Variants in FARP2 observed in about 807,000 individuals in gnomAD.
FARP2 encodes FERM, ARH/RhoGEF and pleckstrin domain protein 2, also known as FERM, ARHGEF and pleckstrin domain-containing protein 2.
FARP2 carries 111 observed loss-of-function variants against 130.5 expected under a neutral mutation model. That is an observed-to-expected ratio of 0.85 (90% CI 0.73 to 1.00). The LOEUF (loss-of-function observed/expected upper bound fraction) is 1.00. Among genes scored for constraint, FARP2 ranks in the 50% least tolerant of loss-of-function variants. FARP2 has a pLI of 0.00. For missense variants in FARP2, 1,385 were observed against 1,346.3 expected (o/e 1.03, Z -0.45); for synonymous variants, 504 against 516.9 (o/e 0.98, Z 0.34).
intron 17 of FARP2, chr2:241,465,717 C>G: frequency 6.4e-7 from 1 of 1,550,922 alleles, no homozygotes; most frequent in Non-Finnish European, 8.7e-7. Flanking sequence ...GTGTGGAGCT[C>G]TGCATAACAC....
intron 17 of FARP2, chr2:241,465,757 A>C: frequency 5.2e-6 from 8 of 1,550,322 alleles, no homozygotes; most frequent in Non-Finnish European, 7.0e-6. Flanking sequence ...GACGACGACG[A>C]CTCAAGCTCC....
intron 14 of FARP2, among the ~76,000 whole-genome samples, chr2:241,458,914 C>G (rs2063938859): frequency 6.6e-6 from 1 of 152,202 alleles, no homozygotes. Context: ...CCTCAGGGTC[C>G]TCACCGAGCC....
chr2:241,378,728 T>G (rs989763010), intron 2 of FARP2, among the ~76,000 whole-genome samples: 6 of 152,186 alleles, frequency 3.9e-5, no homozygotes, highest in African/African-American at 1.4e-4. Context: ...ACTCGTAAAC[T>G]GATTTTTGAT....
At chr2:241,487,955 A>C (rs995914149) in intron 21 of FARP2, among the ~76,000 whole-genome samples, 4 of 151,824 alleles carry the variant, frequency 2.6e-5, no homozygotes, top group Middle Eastern at 3.4e-3. Flanking sequence ...TCACCGTGTT[A>C]GGCAGGATGG....
chr2:241,370,942 G>A (rs1395085016), intron 1 of FARP2, among the ~76,000 whole-genome samples: 1 of 152,228 alleles, frequency 6.6e-6, no homozygotes, highest in African/African-American at 2.4e-5. Context: ...TGCAGCTCAG[G>A]TAATAAATGT....
At chr2:241,463,830 T>C in intron 16 of FARP2, 69 bp from the exon 17 acceptor site, 1 of 1,341,616 alleles carries the variant, frequency 7.5e-7, no homozygotes, top group Non-Finnish European at 1.1e-6. Flanking sequence ...GCTGTCACCC[T>C]GCGTCAGATT....
In FARP2 at chr2:241,463,944, C is replaced by A. The variant is rs762855873; in HGVS notation, c.1857C>A (p.Ile619=). 18 of 1,614,066 alleles carry A rather than the reference C, an allele frequency of 1.1e-5. No homozygotes were observed. The highest frequency in any genetic ancestry group is 1.5e-5 in the Non-Finnish European group (18 of 1,179,944). Residue 619 remains isoleucine (I), a synonymous_variant, in exon 17 of 27, where the codon ATC becomes ATA. Coordinates refer to ENST00000264042, the MANE Select transcript of FARP2 (RefSeq NM_014808.4). ...ACACAAAAGGCAGTCATCAACGAAT[C>A]GGGGACATCCTGCTCAGGAACATGC... ...KAHTKGSHQR[I]GDILLRNMRQ... is the part of the protein sequence containing the mutation.
chr2:241,484,292 C>A lies in FARP2; in HGVS notation c.2382C>A (p.His794Gln). 1 of 1,614,202 alleles carries A rather than the reference C, an allele frequency of 6.2e-7. No homozygotes were observed. The highest frequency in any genetic ancestry group is 8.5e-7 in the Non-Finnish European group (1 of 1,180,014). The change falls in exon 21 of 27, where the codon CAC becomes CAA. Residue 794 changes from histidine (H) to glutamine (Q), a missense_variant. By Grantham distance (24) the His-to-Gln change is conservative (BLOSUM62 0). Transcript: ENST00000264042. Reference protein sequence around the residue: ...YTSKGVAGTSHFRIRGLLPLQ... With the variant: ...YTSKGVAGTSQFRIRGLLPLQ... ...GCAAAGGAGTTGCAGGGACCAGCCA[C>A]TTCCGGATCCGGGGCCTCCTTCCCC...
chr2:241,394,303 G>T (rs1239802566), intron 2 of FARP2, among the ~76,000 whole-genome samples: 1 of 152,126 alleles, frequency 6.6e-6, no homozygotes, highest in South Asian at 2.1e-4. Context: ...CTGATCACGA[G>T]GTCAGGAGAT....
At chr2:241,485,734 G>T (rs552046493) in intron 21 of FARP2, among the ~76,000 whole-genome samples, 63 of 137,706 alleles carry the variant, frequency 4.6e-4, no homozygotes, top group African/African-American at 1.7e-3. Context: ...CCCTTCCTGG[G>T]GTCCTCCTTT....
rs1284255432 is a variant in FARP2, at chr2:241,362,141, C to T, written c.-25+5753C>T. On this transcript the variant is annotated intron_variant, in intron 1 of 26. Transcript: ENST00000264042. ...CAAACTCCTGACCTCAAGTAAACCA[C>T]CTGCCTCCGTCTCCCAAAGTGCTGG... Among the ~76,000 whole-genome samples, 3 of 152,232 alleles carry T rather than the reference C, an allele frequency of 2.0e-5. No homozygotes were observed. The South Asian group carries it at 6.2e-4, about 32-fold the overall frequency.
intron 8 of FARP2, among the ~76,000 whole-genome samples, chr2:241,425,483 G>C (rs1184822191): frequency 1.3e-5 from 2 of 151,970 alleles, no homozygotes; most frequent in Non-Finnish European, 2.9e-5. Flanking sequence ...AGGAAGAAGA[G>C]AGAAAGAAGT....
chr2:241,417,419 T>C (rs1383495757), intron 7 of FARP2, among the ~76,000 whole-genome samples: 2 of 152,194 alleles, frequency 1.3e-5, no homozygotes, highest in Non-Finnish European at 2.9e-5. Flanking sequence ...GGAGTCTCGC[T>C]CTGTCACCCA....
At chr2:241,484,211 G>C in intron 20 of FARP2, 31 bp from the exon 21 acceptor site, 2 of 1,613,792 alleles carry the variant, frequency 1.2e-6, no homozygotes, top group Non-Finnish European at 1.7e-6. Flanking sequence ...TGTTTGTGAA[G>C]TTCATGGATG....
chr2:241,431,011 A>G (rs1215395168), intron 8 of FARP2, among the ~76,000 whole-genome samples: 1 of 151,918 alleles, frequency 6.6e-6, no homozygotes, highest in East Asian at 1.9e-4. Context: ...AAAAAAAAAA[A>G]GAAAAAAAGT....
chr2:241,411,265 G>C, intron 6 of FARP2, 135 bp downstream of exon 6: 1 of 638,940 alleles, frequency 1.6e-6, no homozygotes, highest in Non-Finnish European at 2.8e-6. Context: ...TTCAACTTCA[G>C]TGTTTTTTAT....
rs1449259068 is a variant in FARP2, at chr2:241,493,027, A to AACTC, written c.2888_2891dup (p.Gln965SerfsTer4). On this transcript the variant is annotated frameshift_variant, in exon 25 of 27. Coordinates refer to ENST00000264042, the MANE Select transcript of FARP2 (RefSeq NM_014808.4). LOFTEE classifies it high-confidence loss of function. ...CCAACTTCTGTTTGTTCTTCTACAA[A>AACTC]ACTCATCAGGTACTGGAGTTTCACT... The AACTC allele has an allele frequency of 1.9e-6, 3 of 1,582,532 alleles. No homozygotes were observed. The highest frequency in any genetic ancestry group is 1.1e-5 in the South Asian group (1 of 90,434).
Position 241,475,859 on chromosome 2 carries a change from G to A in FARP2, c.2134G>A (p.Ala712Thr), listed in dbSNP as rs143386517. 8 of 1,611,490 alleles carry A rather than the reference G, an allele frequency of 5.0e-6. No individual in the cohort carries two copies. Among genetic ancestry groups the A allele is most frequent in the African/African-American group, 2.7e-5 (2 of 74,802 alleles). The change falls in exon 19 of 27, where the codon GCC becomes ACC. Residue 712 changes from alanine to threonine, a missense_variant and splice_region_variant. Physicochemically the swap from Ala to Thr is moderately conservative, Grantham distance 58. Transcript: ENST00000264042. This position sits in a 1 kb window ranked among gnomAD's most constrained non-coding sequence, Gnocchi z 4.4. ...TACTGAGGGGTCTCTCCACACAGAC[G>A]CCCTGAAAGCCATCACAGAGGTGAC... ...GHHDYADCHD[A>T]LKAITEVTTT... is the part of the protein sequence containing the mutation.
In FARP2 at chr2:241,492,944, T is replaced by G. The variant is rs745993703; in HGVS notation, c.2803T>G (p.Tyr935Asp). The stretch of plus-strand genomic sequence containing the variant: ...TTATTGACAGAACCAGCTTTCAGGA[T>G]ATCTGCTAAGAAAGTTCAAAAACAG... The part of the protein sequence containing the change: ...SAAVENQLSG[Y>D]LLRKFKNSHG... The change falls in exon 25 of 27, where the codon TAT becomes GAT. Residue 935 changes from tyrosine to aspartate, a missense_variant. Coordinates refer to ENST00000264042, the MANE Select transcript of FARP2 (RefSeq NM_014808.4). 7 of 1,608,086 alleles carry G rather than the reference T, an allele frequency of 4.4e-6. No individual in the cohort carries two copies. The highest frequency in any genetic ancestry group is 6.0e-6 in the Non-Finnish European group (7 of 1,174,632).
Sources: gnomAD v4.1 joint callset for allele counts (sites outside exome capture counted in the v4.1 genomes callset) on GRCh38, gnomAD v4.1.1 for gene constraint, Gnocchi (gnomAD v3.1) non-coding constraint, MANE v1.5 for transcripts, NCBI Gene and HGNC (gene_info 2026-07-23, HGNC 2026-07-21) for gene names.